SCUBE2: variants seen among roughly 807,000 people sequenced by gnomAD.
SCUBE2 encodes signal peptide, CUB domain and EGF like domain containing 2.
SCUBE2 carries 114 observed loss-of-function variants against 125.9 expected under a neutral mutation model. The ratio of observed to expected loss-of-function variants is 0.91; its 90% CI spans 0.78 to 1.06. The LOEUF (loss-of-function observed/expected upper bound fraction) is 1.06. Ranked by LOEUF, SCUBE2 falls within the 50% of genes least tolerant of loss-of-function variation. The pLI is 0.00. For missense variants in SCUBE2, 1,255 were observed against 1,301.8 expected (o/e 0.96, Z 0.55); for synonymous variants, 459 against 492.9 (o/e 0.93, Z 0.91).
intron 2 of SCUBE2, among the ~76,000 whole-genome samples, chr11:9,084,850 G>C (rs527549954): frequency 6.6e-6 from 1 of 152,284 alleles, no homozygotes; most frequent in East Asian, 1.9e-4. Flanking sequence ...TGATCCTCCT[G>C]CCTCAGCCTC....
chr11:9,055,415 G>A (rs79449292), intron 10 of SCUBE2, among the ~76,000 whole-genome samples: 2,189 of 152,282 alleles, frequency 0.014, 20 homozygotes, highest in Middle Eastern at 0.027. Flanking sequence ...GAATTGGTGG[G>A]TGCCCCCCAA....
intron 16 of SCUBE2, among the ~76,000 whole-genome samples, chr11:9,035,025 TG>T (rs1337922383): frequency 6.6e-6 from 1 of 152,014 alleles, no homozygotes; most frequent in Non-Finnish European, 1.5e-5. Context: ...TACAACAAAG[TG>T]TAAATGCTGG....
At chr11:9,081,410 A>G (rs956726274) in intron 2 of SCUBE2, among the ~76,000 whole-genome samples, 7 of 151,602 alleles carry the variant, frequency 4.6e-5, no homozygotes, top group Non-Finnish European at 1.0e-4. Flanking sequence ...GATTTTGACT[A>G]CTCTAAGTAT....
chr11:9,042,930 C>A (rs973943648), intron 16 of SCUBE2, among the ~76,000 whole-genome samples: 8 of 152,166 alleles, frequency 5.3e-5, no homozygotes, highest in Non-Finnish European at 8.8e-5. Flanking sequence ...CATTCAAAAG[C>A]CCCCAGATTG....
At chr11:9,021,415 G>A (rs1407609679) in intron 22 of SCUBE2, among the ~76,000 whole-genome samples, 2 of 134,922 alleles carry the variant, frequency 1.5e-5, no homozygotes, top group East Asian at 4.5e-4. Context: ...ACTTTAATAT[G>A]TAAAATCCTG....
intron 4 of SCUBE2, among the ~76,000 whole-genome samples, chr11:9,069,929 A>G (rs1860617060): frequency 6.6e-6 from 1 of 152,154 alleles, no homozygotes; most frequent in African/African-American, 2.4e-5. Context: ...CTTGAAGATA[A>G]TTTTCAAAAC....
At chr11:9,041,623 G>A (rs1857252153) in intron 16 of SCUBE2, among the ~76,000 whole-genome samples, 1 of 152,180 alleles carries the variant, frequency 6.6e-6, no homozygotes, top group South Asian at 2.1e-4. Context: ...TCACAGAGGT[G>A]GTTAGGAATC....
Position 9,050,299 on chromosome 11 carries a change from C to T in SCUBE2, c.1639+307G>A, listed in dbSNP as rs1858215473. ...TCTAGAAAATTTAACCCAATATGAT[C>T]ACAAATTGCTAATTCATCTGAAGCC... is the stretch of plus-strand genomic sequence containing the variant. On this transcript the variant is annotated intron_variant, in intron 14 of 22. Transcript: ENST00000649792. The T allele has an allele frequency of 1.6e-5, 4 of 254,056 alleles. No homozygotes were observed. The South Asian group carries it at 5.3e-4, about 34-fold the overall frequency. The allele number at this position is 254,056 out of a possible 1,614,324, so 15.7% of individuals were successfully genotyped here.
intron 2 of SCUBE2, among the ~76,000 whole-genome samples, chr11:9,088,362 C>T (rs1422507925): frequency 4.6e-5 from 7 of 152,190 alleles, no homozygotes; most frequent in Non-Finnish European, 2.9e-5. Context: ...GTGGCAGGCG[C>T]CTGTAATCCC....
chr11:9,050,458 C>G (rs1207081438), intron 14 of SCUBE2, 148 bp downstream of exon 14: 1 of 652,616 alleles, frequency 1.5e-6, no homozygotes, highest in Admixed American at 2.4e-5. Flanking sequence ...GGGATGAGTC[C>G]CTGGAAGTTG....
chr11:9,020,943 G>C lies in SCUBE2; in HGVS notation c.*102C>G. The C allele has an allele frequency of 2.0e-6, 2 of 1,010,718 alleles. No individual in the cohort carries two copies. Among genetic ancestry groups the C allele is most frequent in the South Asian group, 4.6e-5 (2 of 43,250 alleles). 62.6% of individuals were successfully genotyped at this position (1,010,718 alleles called of 1,614,324 possible). On this transcript the variant is annotated 3_prime_UTR_variant, in exon 23 of 23. Transcript: ENST00000649792. ...TTGAACTCTAATGAGTCACTGATAC[G>C]GGAGGCAGCAATACCCGACTGTGCT...
chr11:9,066,559 T>A, intron 6 of SCUBE2, 138 bp downstream of exon 6: 1 of 697,318 alleles, frequency 1.4e-6, no homozygotes, highest in South Asian at 1.7e-5. Context: ...CACTGTAGCA[T>A]GCGAAGCAGC....
chr11:9,083,555 A>AC (rs1861813645), intron 2 of SCUBE2, among the ~76,000 whole-genome samples: 1 of 139,960 alleles, frequency 7.1e-6, no homozygotes, highest in African/African-American at 2.7e-5. Context: ...AATAGAATGA[A>AC]TTTTTTTTTT....
At chr11:9,054,701 G>C (rs10769989) in intron 10 of SCUBE2, among the ~76,000 whole-genome samples, 5 of 51,078 alleles carry the variant, frequency 9.8e-5, no homozygotes, top group African/African-American at 4.9e-4. Context: ...AAGCACTAGT[G>C]TATATATATA....
intron 16 of SCUBE2, among the ~76,000 whole-genome samples, chr11:9,040,833 A>C (rs1396769860): frequency 6.6e-6 from 1 of 152,222 alleles, no homozygotes; most frequent in East Asian, 1.9e-4. Flanking sequence ...TGGGCAATTT[A>C]AAACTTACAA....
chr11:9,089,786 G>T lies in SCUBE2; in HGVS notation c.177C>A (p.Asp59Glu), dbSNP rs143387393. 441 of 1,613,848 alleles carry T rather than the reference G, an allele frequency of 2.7e-4. No individual in the cohort carries two copies. The highest frequency in any genetic ancestry group is 3.6e-4 in the Non-Finnish European group (421 of 1,179,944). The change falls in exon 2 of 23, where the codon GAC (aspartate) becomes GAA (glutamate). Residue 59 changes from aspartate (D) to glutamate (E), a missense_variant. By Grantham distance (45) the Asp-to-Glu change is conservative (BLOSUM62 2). Transcript: ENST00000649792. ...AGGTGGGTGTGTTCTGACACAGGGC[G>T]TCGGCATGGCAGTCATCTAGCCCTT... ...CAQGLDDCHA[D>E]ALCQNTPTSY...
chr11:9,085,719 G>A (rs1160326825), intron 2 of SCUBE2, among the ~76,000 whole-genome samples: 1 of 151,790 alleles, frequency 6.6e-6, no homozygotes, highest in East Asian at 1.9e-4. Context: ...AAGCGAGACT[G>A]TGTCTCAAAA....
intron 16 of SCUBE2, among the ~76,000 whole-genome samples, chr11:9,040,095 C>T (rs754408774): frequency 6.6e-6 from 1 of 152,148 alleles, no homozygotes; most frequent in Non-Finnish European, 1.5e-5. Flanking sequence ...ATCTTCTGCT[C>T]CTAGCACAGC....
intron 16 of SCUBE2, among the ~76,000 whole-genome samples, chr11:9,042,419 C>G (rs542918710): frequency 2.0e-4 from 31 of 152,260 alleles, no homozygotes; most frequent in Non-Finnish European, 4.1e-4. Context: ...TCTTTCCATT[C>G]TACCATCAGA....
Sources: allele counts gnomAD v4.1 joint callset (sites outside exome capture counted in the v4.1 genomes callset), GRCh38; gene constraint gnomAD v4.1.1; transcripts MANE v1.5; gene names NCBI Gene and HGNC (gene_info 2026-07-23, HGNC 2026-07-21).